Variants in LMTK2 observed in about 807,000 individuals in gnomAD.
The protein encoded by LMTK2 is serine/threonine-protein kinase LMTK2.
Under a neutral mutation model 127.5 loss-of-function variants are expected in LMTK2, and 37 were observed. The observed-to-expected ratio is 0.29, with a 90% confidence interval of 0.22 to 0.38. The LOEUF is 0.38. LMTK2 is among the 10% of genes least tolerant of loss of function. LMTK2 has a pLI of 1.00. For synonymous variants in LMTK2, 819 were observed against 810.1 expected (o/e 1.01, Z -0.19); for missense variants, 1,694 against 1,920.3 (o/e 0.88, Z 2.20).
rs563576906 is a variant in LMTK2 at position 98,192,679 on chromosome 7, C to G, written c.2214C>G (p.Ser738Arg). Residue 738 changes from serine to arginine, a missense_variant, in exon 11 of 14, where the codon AGC (serine) becomes AGG (arginine). Physicochemically the swap from Ser to Arg is moderately radical, Grantham distance 110. This residue lies in a region of LMTK2 where 527 missense variants were observed against 539.8 expected (regional missense o/e 0.98). Transcript: ENST00000297293. ...ACTTACTAAAAGGCTCATTGTCCAG[C>G]AAAGAACACATAAATGATCTTCAGA... is the stretch of plus-strand genomic sequence containing the variant. ...EKNLLKGSLS[S>R]KEHINDLQTE... The G allele has an allele frequency of 2.5e-6, 4 of 1,611,038 alleles. No individual in the cohort carries two copies. The highest frequency in any genetic ancestry group is 2.2e-5 in the South Asian group (2 of 90,306).
At chr7:98,148,565 A>G (rs1316965155) in intron 3 of LMTK2, among the ~76,000 whole-genome samples, 1 of 152,012 alleles carries the variant, frequency 6.6e-6, no homozygotes, top group East Asian at 1.9e-4. Flanking sequence ...TAATTAGTCC[A>G]ATGTCTGTTT....
At chr7:98,161,222 T>A (rs1797011554) in intron 6 of LMTK2, among the ~76,000 whole-genome samples, 1 of 152,216 alleles carries the variant, frequency 6.6e-6, no homozygotes, top group Non-Finnish European at 1.5e-5. Flanking sequence ...AAGTCTGGAC[T>A]TGAGATATTT....
At chr7:98,203,502 T>C (rs1300323764) in intron 11 of LMTK2, 72 bp from the exon 12 acceptor site, 1 of 1,513,752 alleles carries the variant, frequency 6.6e-7, no homozygotes, top group East Asian at 2.3e-5. Context: ...CGCCTGCCAG[T>C]GGGGAAGCGG....
At chr7:98,187,775 T>C (rs1328099570) in intron 9 of LMTK2, among the ~76,000 whole-genome samples, 3 of 152,242 alleles carry the variant, frequency 2.0e-5, no homozygotes, top group South Asian at 2.1e-4. Flanking sequence ...CACACCATTT[T>C]TGTACTTTTA....
chr7:98,177,540 G>A (rs1216510566), intron 7 of LMTK2, among the ~76,000 whole-genome samples: 3 of 152,292 alleles, frequency 2.0e-5, no homozygotes, highest in South Asian at 4.1e-4. Context: ...CTGTCACCCA[G>A]GCTTGAGTGA....
chr7:98,192,778 T>A lies in LMTK2; in HGVS notation c.2313T>A (p.Leu771=). 2 of 1,613,886 alleles carry A rather than the reference T, an allele frequency of 1.2e-6. No homozygotes were observed. The highest frequency in any genetic ancestry group is 1.7e-6 in the Non-Finnish European group (2 of 1,179,838). The stretch of plus-strand genomic sequence containing the variant: ...GTAGAAACTCTTTAGATACTGAGCT[T>A]CAGTTTGCTGAAAATAAGCCAGGCT... ...TSCRNSLDTE[L]QFAENKPGLS... is the part of the protein sequence containing the mutation. Residue 771 remains leucine, a synonymous_variant, in exon 11 of 14, where the codon CTT becomes CTA. Coordinates refer to ENST00000297293, the MANE Select transcript of LMTK2 (RefSeq NM_014916.4).
At chr7:98,155,815 G>A (rs566672957) in intron 5 of LMTK2, among the ~76,000 whole-genome samples, 24 of 152,262 alleles carry the variant, frequency 1.6e-4, no homozygotes, top group African/African-American at 2.4e-4. Flanking sequence ...AAAAGGAGGC[G>A]TCTTGGAACA....
At chr7:98,167,669 T>C (rs1797121550) in intron 6 of LMTK2, among the ~76,000 whole-genome samples, 2 of 152,164 alleles carry the variant, frequency 1.3e-5, no homozygotes, top group African/African-American at 4.8e-5. Flanking sequence ...GCCAGAGGGC[T>C]CTTAGGCATA....
At chr7:98,165,680 A>G (rs982019151) in intron 6 of LMTK2, among the ~76,000 whole-genome samples, 1 of 152,052 alleles carries the variant, frequency 6.6e-6, no homozygotes, top group Non-Finnish European at 1.5e-5. Context: ...TGGTGCAGAA[A>G]TGCCTAATTA....
chr7:98,140,168 T>TTC lies in LMTK2; in HGVS notation c.232-1228_232-1227insCT, dbSNP rs1796669482. 4.2e-4 allele frequency among the ~76,000 whole-genome samples: 8 copies of TTC among 18,982 alleles called. 1 individual carries two copies. Among genetic ancestry groups the TTC allele is most frequent in the African/African-American group, 1.9e-3 (8 of 4,212 alleles). 12.5% of individuals were successfully genotyped at this position (18,982 alleles called of 152,430 possible). Reference sequence around the variant, plus strand: ...TTTTCTTTTCTTTTCTTTTCTTTTCTTTTCTTTCTTTTCTTTCTTCTTTCT... The same window carrying TTC: ...TTTTCTTTTCTTTTCTTTTCTTTTCTTCTTTCTTTCTTTTCTTTCTTCTTTCT... On this transcript the variant is annotated intron_variant, in intron 2 of 13. Transcript: ENST00000297293.
chr7:98,148,231 T>A (rs1385471640), intron 3 of LMTK2, among the ~76,000 whole-genome samples: 1 of 151,758 alleles, frequency 6.6e-6, no homozygotes, highest in African/African-American at 2.4e-5. Flanking sequence ...GGCTTATGCC[T>A]GTAATCTCAG....
intron 5 of LMTK2, among the ~76,000 whole-genome samples, chr7:98,157,694 C>T (rs1302077936): frequency 1.3e-5 from 2 of 149,850 alleles, no homozygotes; most frequent in Non-Finnish European, 3.0e-5. Context: ...CCTTGGATGA[C>T]CTCAGGGGGA....
intron 3 of LMTK2, among the ~76,000 whole-genome samples, chr7:98,142,340 G>T (rs1796711053): frequency 6.6e-6 from 1 of 152,138 alleles, no homozygotes; most frequent in Non-Finnish European, 1.5e-5. Context: ...GAAAAAGCCA[G>T]ATGGAACGTG....
Position 98,207,226 on chromosome 7 carries a change from C to T in LMTK2, c.*1734C>T, listed in dbSNP as rs1333487878. On this transcript the variant is annotated 3_prime_UTR_variant, in exon 14 of 14. Transcript: ENST00000297293. The stretch of plus-strand genomic sequence containing the variant: ...GTGCTGATATGTTTCCAGACTCCAG[C>T]GCAACCTGGGGTGCTCTCCAGACCC... 1.3e-5 allele frequency: 2 copies of T among 152,228 alleles called. No individual in the cohort carries two copies. The highest frequency in any genetic ancestry group is 2.9e-5 in the Non-Finnish European group (2 of 68,102). 9.4% of individuals were successfully genotyped at this position (152,228 alleles called of 1,614,324 possible). A position where few individuals can be genotyped will look rare whatever the true frequency, so the allele number is the denominator to read the frequency against.
In LMTK2 at chr7:98,193,133, A is replaced by C. The variant is rs1171006666; in HGVS notation, c.2668A>C (p.Ser890Arg). Residue 890 changes from serine (S) to arginine (R), a missense_variant, in exon 11 of 14, where the codon AGT becomes CGT. Physicochemically the swap from Ser to Arg is moderately radical, Grantham distance 110. This residue lies in a region of LMTK2 where 527 missense variants were observed against 539.8 expected (regional missense o/e 0.98). Transcript: ENST00000297293. The surrounding 1 kb of genome is among the most constrained non-coding windows in gnomAD (Gnocchi z 4.1). ...DNRSQDSPGE[S>R]EETLRLTESD... is the part of the protein sequence containing the mutation. ...CAGGTCCCAGGACTCTCCTGGCGAG[A>C]GTGAGGAGACCCTGCGACTCACCGA... 1 of 1,613,364 alleles carries C rather than the reference A, an allele frequency of 6.2e-7. No homozygotes were observed. The highest frequency in any genetic ancestry group is 1.3e-5 in the African/African-American group (1 of 74,860).
At chr7:98,167,177 A>G (rs934555871) in intron 6 of LMTK2, among the ~76,000 whole-genome samples, 2 of 152,232 alleles carry the variant, frequency 1.3e-5, no homozygotes, top group Non-Finnish European at 2.9e-5. Flanking sequence ...GTAGGGCATC[A>G]TTTAGAATGT....
intron 1 of LMTK2, among the ~76,000 whole-genome samples, chr7:98,117,964 C>CA (rs978649943): frequency 5.9e-5 from 9 of 151,650 alleles, no homozygotes; most frequent in African/African-American, 1.2e-4. Flanking sequence ...GAGATTGTCT[C>CA]AAAAAAAACC....
At chr7:98,205,443 C>T (rs1797775555) in intron 13 of LMTK2, 21 bp from the exon 14 acceptor site, 2 of 1,613,710 alleles carry the variant, frequency 1.2e-6, no homozygotes, top group Non-Finnish European at 1.7e-6. Context: ...TTTGTCGTCT[C>T]GCTTCCTCTC....
intron 3 of LMTK2, among the ~76,000 whole-genome samples, chr7:98,144,557 A>G (rs1453884526): frequency 5.3e-5 from 8 of 152,040 alleles, no homozygotes; most frequent in Admixed American, 4.6e-4. Context: ...CTGGTTTTTC[A>G]TACACCTTTC....
Sources: gnomAD v4.1 joint callset for allele counts (sites outside exome capture counted in the v4.1 genomes callset) on GRCh38, gnomAD v4.1.1 for gene constraint, gnomAD v4.1.1 regional missense constraint, Gnocchi (gnomAD v3.1) non-coding constraint, MANE v1.5 for transcripts, NCBI Gene and HGNC (gene_info 2026-07-23, HGNC 2026-07-21) for gene names.